ARHGAP24: variants seen among roughly 807,000 people sequenced by gnomAD.
ARHGAP24 encodes rho GTPase-activating protein 24.
Under a neutral mutation model 76.4 loss-of-function variants are expected in ARHGAP24, and 50 were observed. The ratio of observed to expected loss-of-function variants is 0.65; its 90% confidence interval spans 0.52 to 0.83. The LOEUF is 0.83. Ranked by LOEUF, ARHGAP24 falls within the 40% of genes least tolerant of loss-of-function variation. The pLI is 0.00. For synonymous variants in ARHGAP24, 345 were observed against 323.3 expected, an observed-to-expected ratio of 1.07 and a Z score of -0.72; for missense variants, 930 against 914.2, an observed-to-expected ratio of 1.02 and a Z score of -0.22.
intron 5 of ARHGAP24, among the ~76,000 whole-genome samples, chr4:85,944,278 A>AT (rs539285774): frequency 6.6e-6 from 1 of 152,042 alleles, no homozygotes; most frequent in Non-Finnish European, 1.5e-5. Flanking sequence ...AATACTTTCT[A>AT]TTTTTGGATT....
intron 1 of ARHGAP24, among the ~76,000 whole-genome samples, chr4:85,510,688 C>A (rs1454076137): frequency 6.7e-6 from 1 of 150,068 alleles, no homozygotes; most frequent in Non-Finnish European, 1.5e-5. Flanking sequence ...TTTTCCACTG[C>A]TCTATGTACC....
At chr4:85,762,694 T>A (rs1726777063) in intron 3 of ARHGAP24, among the ~76,000 whole-genome samples, 1 of 152,124 alleles carries the variant, frequency 6.6e-6, no homozygotes, top group African/African-American at 2.4e-5. Context: ...TCCAGGTCCG[T>A]CTGACTCCAA....
intron 3 of ARHGAP24, among the ~76,000 whole-genome samples, chr4:85,911,925 C>T (rs901891509): frequency 3.3e-5 from 5 of 152,124 alleles, no homozygotes; most frequent in Non-Finnish European, 5.9e-5. Flanking sequence ...TGTCTACAGT[C>T]AGTTTGGGAA....
intron 2 of ARHGAP24, among the ~76,000 whole-genome samples, chr4:85,706,050 T>G (rs929628644): frequency 2.4e-4 from 36 of 152,114 alleles, no homozygotes; most frequent in Admixed American, 2.4e-3. Context: ...AAGAGCCAGA[T>G]TTCAGCTGGG....
At chr4:85,569,073 A>T (rs1726966851) in intron 1 of ARHGAP24, among the ~76,000 whole-genome samples, 1 of 152,256 alleles carries the variant, frequency 6.6e-6, no homozygotes, top group African/African-American at 2.4e-5. Flanking sequence ...CCAAGGGCTG[A>T]CAATAGAAAC....
chr4:85,674,064 C>T (rs542790448), intron 2 of ARHGAP24, among the ~76,000 whole-genome samples: 7 of 152,266 alleles, frequency 4.6e-5, no homozygotes, highest in African/African-American at 1.7e-4. Flanking sequence ...AAGTTAGTGG[C>T]ATCTGGGACT....
chr4:85,795,264 A>G (rs1728296282), intron 3 of ARHGAP24, among the ~76,000 whole-genome samples: 1 of 152,194 alleles, frequency 6.6e-6, no homozygotes, highest in African/African-American at 2.4e-5. Flanking sequence ...AAATACAGTA[A>G]TAATCTAATG....
At chr4:85,556,273 G>C (rs1246285813) in intron 1 of ARHGAP24, among the ~76,000 whole-genome samples, 1 of 152,134 alleles carries the variant, frequency 6.6e-6, no homozygotes, top group Non-Finnish European at 1.5e-5. Context: ...GGTACAGAGA[G>C]GCTGTTGGTT....
In ARHGAP24 at chr4:85,977,615, T is replaced by C. The variant is rs1248847167; in HGVS notation, c.852T>C (p.Ser284=). 6.2e-7 allele frequency: 1 copy of C among 1,613,924 alleles called. No individual in the cohort carries two copies. Among genetic ancestry groups the C allele is most frequent in the Non-Finnish European group, 8.5e-7 (1 of 1,179,848 alleles). The change falls in exon 8 of 10, where the codon AGT becomes AGC. Residue 284 remains serine (S), a synonymous_variant. Coordinates refer to ENST00000395184, the MANE Select transcript of ARHGAP24 (RefSeq NM_001025616.3). ...VQSYSGVNKM[S]VQNLATVFGP... is the part of the protein sequence containing the mutation. ...CCTACTCGGGAGTTAACAAAATGAGTGTGCAGAACTTGGCAACGGTCTTTG... is the reference window on the plus strand; with the variant it reads ...CCTACTCGGGAGTTAACAAAATGAGCGTGCAGAACTTGGCAACGGTCTTTG...
At chr4:85,801,734 T>TC (rs939595984) in intron 3 of ARHGAP24, among the ~76,000 whole-genome samples, 7 of 152,242 alleles carry the variant, frequency 4.6e-5, no homozygotes, top group African/African-American at 1.4e-4. Context: ...CGGCTTGTGA[T>TC]CCCCCTTGGG....
chr4:85,541,525 AT>A (rs570864877), intron 1 of ARHGAP24, among the ~76,000 whole-genome samples: 29 of 152,064 alleles, frequency 1.9e-4, no homozygotes, highest in Non-Finnish European at 3.2e-4. Flanking sequence ...AACAATATAT[AT>A]TTTTTTGTGT....
intron 5 of ARHGAP24, among the ~76,000 whole-genome samples, chr4:85,965,921 C>A (rs763713945): frequency 9.9e-5 from 15 of 152,128 alleles, no homozygotes; most frequent in Non-Finnish European, 2.1e-4. Flanking sequence ...TATAGACAAG[C>A]TCACCAAAAG....
At position 85,816,855 on chromosome 4, in the gene ARHGAP24, T is replaced by C. The variant is rs1026823485; in HGVS notation, c.268+94883T>C. ...AGAACCTCCATACTGTTTTCTGTAA[T>C]GGCTGTACCAATTTACATTCCAACC... On this transcript the variant is annotated intron_variant, in intron 3 of 9. Coordinates refer to ENST00000395184, the MANE Select transcript of ARHGAP24 (RefSeq NM_001025616.3). Among the ~76,000 whole-genome samples, 4 of 152,332 alleles carry C rather than the reference T, an allele frequency of 2.6e-5. No homozygotes were observed. In the East Asian group the frequency reaches 5.8e-4, roughly 22 times the overall value.
At chr4:85,609,584 G>C (rs1178994096) in intron 2 of ARHGAP24, among the ~76,000 whole-genome samples, 1 of 151,974 alleles carries the variant, frequency 6.6e-6, no homozygotes, top group Non-Finnish European at 1.5e-5. Context: ...CTAACACAAG[G>C]GCTTCTTTGT....
intron 3 of ARHGAP24, chr4:85,827,630 G>A (rs919952806): frequency 4.6e-6 from 1 of 216,986 alleles, no homozygotes; most frequent in Non-Finnish European, 9.4e-6. Flanking sequence ...ACGGAGTTCA[G>A]AATCTCGAAA....
chr4:85,931,790 C>A lies in ARHGAP24; in HGVS notation c.391+8020C>A, dbSNP rs868434895. ...TATGGATCAAAATATTTATAAATATCTTTTTGCTTTAAAATAAGAATAATT... is the reference window on the plus strand; with the variant it reads ...TATGGATCAAAATATTTATAAATATATTTTTGCTTTAAAATAAGAATAATT... On this transcript the variant is annotated intron_variant, in intron 4 of 9. Transcript: ENST00000395184. Among the ~76,000 whole-genome samples the A allele has an allele frequency of 4.6e-5, 7 of 152,066 alleles. 1 individual carries two copies. Among genetic ancestry groups the A allele is most frequent in the South Asian group, 4.2e-4 (2 of 4,816 alleles).
At chr4:85,697,165 A>G (rs1482332491) in intron 2 of ARHGAP24, among the ~76,000 whole-genome samples, 1 of 152,188 alleles carries the variant, frequency 6.6e-6, no homozygotes, top group Non-Finnish European at 1.5e-5. Context: ...CAGCAAAATT[A>G]TTTATATTAT....
rs1374720351 is a variant in ARHGAP24 at position 85,664,427 on chromosome 4, A to G, written c.181-57458A>G. ...TTTCTTCTGTATTAGTCTTGCTAGC[A>G]GTCTATCAATTTTGTTGATCCTTTC... On this transcript the variant is annotated intron_variant, in intron 2 of 9. Coordinates refer to ENST00000395184, the MANE Select transcript of ARHGAP24 (RefSeq NM_001025616.3). Among the ~76,000 whole-genome samples the G allele has an allele frequency of 3.3e-5, 5 of 151,066 alleles. No individual in the cohort carries two copies. In the South Asian group the frequency reaches 6.2e-4, roughly 19 times the overall value.
chr4:85,950,158 C>T (rs1236643426), intron 5 of ARHGAP24, among the ~76,000 whole-genome samples: 1 of 151,996 alleles, frequency 6.6e-6, no homozygotes, highest in African/African-American at 2.4e-5. Context: ...GTGCAAAGTC[C>T]TAGAGACAGG....
Sources: gnomAD v4.1 joint callset for allele counts (sites outside exome capture counted in the v4.1 genomes callset) on GRCh38, gnomAD v4.1.1 for gene constraint, MANE v1.5 for transcripts, NCBI Gene and HGNC (gene_info 2026-07-23, HGNC 2026-07-21) for gene names.